Variants in FILIP1 observed in about 807,000 individuals in gnomAD.
FILIP1 encodes filamin A interacting protein 1.
FILIP1 carries 61 observed loss-of-function variants against 102.1 expected under a neutral mutation model. That is an observed-to-expected ratio of 0.60 (90% CI 0.49 to 0.74). The LOEUF is 0.74. Ranked by LOEUF, FILIP1 falls within the 30% of genes least tolerant of loss-of-function variation. The pLI, the probability that FILIP1 is intolerant of heterozygous loss-of-function variation, is 0.00. For synonymous variants in FILIP1, 491 were observed against 526.9 expected, an observed-to-expected ratio of 0.93 and a Z score of 0.93; for missense variants, 1,314 against 1,441.2, an observed-to-expected ratio of 0.91 and a Z score of 1.43.
Position 75,477,629 on chromosome 6 carries a change from G to T in FILIP1, c.-7+15785C>A, listed in dbSNP as rs1200202453. 5.3e-5 allele frequency among the ~76,000 whole-genome samples: 8 copies of T among 151,538 alleles called. No individual in the cohort carries two copies. The South Asian group carries it at 1.7e-3, about 32-fold the overall frequency. ...GAAAGAAAAAAATTCTGAATAAAAGGGAAATAAGATATAATAAAGAATAAG... is the reference window on the plus strand; with the variant it reads ...GAAAGAAAAAAATTCTGAATAAAAGTGAAATAAGATATAATAAAGAATAAG... On this transcript the variant is annotated intron_variant, in intron 1 of 5. Coordinates refer to ENST00000237172, the MANE Select transcript of FILIP1 (RefSeq NM_015687.5).
rs142480007 is a variant in FILIP1, at chr6:75,453,905, G to A, written c.-6-38927C>T. ...CAAATACACAATAAGTCATAACAAT[G>A]ATGGTGCCACTAATGAAGACAGAAA... On this transcript the variant is annotated intron_variant, in intron 1 of 5. Coordinates refer to ENST00000237172, the MANE Select transcript of FILIP1 (RefSeq NM_015687.5). 1,247 of 455,342 alleles carry A rather than the reference G, an allele frequency of 2.7e-3. 12 individuals carry two copies. Among genetic ancestry groups the A allele is most frequent in the African/African-American group, 0.023 (1,146 of 50,170 alleles). The allele number at this position is 455,342 out of a possible 1,614,324, so 28.2% of individuals were successfully genotyped here. A position where few individuals can be genotyped will look rare whatever the true frequency, so the allele number is the denominator to read the frequency against.
intron 1 of FILIP1, among the ~76,000 whole-genome samples, chr6:75,439,356 G>C (rs1778127833): frequency 8.0e-6 from 1 of 124,520 alleles, no homozygotes; most frequent in African/African-American, 3.5e-5. Context: ...ACAAGAGCGA[G>C]ACTCCGTCCA....
At chr6:75,450,782 C>T (rs1041354013) in intron 1 of FILIP1, among the ~76,000 whole-genome samples, 1 of 151,846 alleles carries the variant, frequency 6.6e-6, no homozygotes, top group African/African-American at 2.4e-5. Flanking sequence ...ATGGAGAAAC[C>T]ATGTCTCTAC....
intron 1 of FILIP1, among the ~76,000 whole-genome samples, chr6:75,442,992 A>G (rs1212058846): frequency 6.6e-6 from 1 of 152,240 alleles, no homozygotes. Context: ...AGATAGCTTT[A>G]TATTTATGGT....
Position 75,372,690 on chromosome 6 carries a change from AG to A in FILIP1, c.277-9774del, listed in dbSNP as rs1775587107. 2.9e-4 allele frequency among the ~76,000 whole-genome samples: 13 copies of A among 44,904 alleles called. No homozygotes were observed. In the East Asian group the frequency reaches 3.5e-3, roughly 12 times the overall value. The allele number at this position is 44,904 out of a possible 152,430, so 29.5% of individuals were successfully genotyped here. On this transcript the variant is annotated intron_variant, in intron 2 of 5. Transcript: ENST00000237172. ...GAAAGAAAGAAAGAAAGAAAGAGAA[AG>A]AAAGAGAAAGAAAGAAAGAAAGGAA...
At chr6:75,465,562 C>T (rs1014542308) in intron 1 of FILIP1, 1 of 507,490 alleles carries the variant, frequency 2.0e-6, no homozygotes, top group South Asian at 2.0e-5. Context: ...AGGACAGTTT[C>T]ACAGCAATTA....
chr6:75,331,683 T>C (rs1774089447), intron 4 of FILIP1, among the ~76,000 whole-genome samples: 1 of 152,084 alleles, frequency 6.6e-6, no homozygotes, highest in Admixed American at 6.5e-5. Context: ...ACTGGAAAGA[T>C]CTCCTTCCTT....
intron 4 of FILIP1, among the ~76,000 whole-genome samples, chr6:75,330,123 G>A (rs988087892): frequency 7.9e-5 from 12 of 152,014 alleles, no homozygotes; most frequent in African/African-American, 2.9e-4. Flanking sequence ...TCTTCATCGT[G>A]GATTTTTTGC....
At chr6:75,418,309 G>A (rs1026344544) in intron 1 of FILIP1, among the ~76,000 whole-genome samples, 4 of 152,124 alleles carry the variant, frequency 2.6e-5, no homozygotes, top group Non-Finnish European at 4.4e-5. Flanking sequence ...CACTCACATA[G>A]CAATTTAAAT....
chr6:75,398,290 G>T (rs1165420049), intron 2 of FILIP1, among the ~76,000 whole-genome samples: 1 of 152,156 alleles, frequency 6.6e-6, no homozygotes, highest in Non-Finnish European at 1.5e-5. Context: ...TTTGAAGCTG[G>T]TCTATGACGG....
chr6:75,342,689 C>G (rs1286651459), intron 4 of FILIP1, among the ~76,000 whole-genome samples: 1 of 152,186 alleles, frequency 6.6e-6, no homozygotes, highest in African/African-American at 2.4e-5. Context: ...CACAGGCATC[C>G]TCTGAGATGC....
intron 4 of FILIP1, among the ~76,000 whole-genome samples, chr6:75,326,483 C>A (rs947202866): frequency 3.3e-5 from 5 of 152,066 alleles, no homozygotes; most frequent in South Asian, 2.1e-4. Flanking sequence ...GAACAAAAAA[C>A]CACCTGTTCC....
chr6:75,437,548 TA>T (rs1197706400), intron 1 of FILIP1, among the ~76,000 whole-genome samples: 2 of 152,208 alleles, frequency 1.3e-5, no homozygotes, highest in Non-Finnish European at 2.9e-5. Context: ...GATGTGTTGA[TA>T]CAGTCGGGAA....
At chr6:75,390,149 T>C (rs967489740) in intron 2 of FILIP1, among the ~76,000 whole-genome samples, 1 of 152,172 alleles carries the variant, frequency 6.6e-6, no homozygotes, top group Non-Finnish European at 1.5e-5. Flanking sequence ...CCTGAGGACA[T>C]TACTTGCCCA....
intron 1 of FILIP1, among the ~76,000 whole-genome samples, chr6:75,425,520 G>T (rs1777599162): frequency 1.3e-5 from 2 of 152,038 alleles, no homozygotes; most frequent in Non-Finnish European, 2.9e-5. Flanking sequence ...CACACACCCA[G>T]CTCCACACTG....
chr6:75,451,570 C>T (rs1778632702), intron 1 of FILIP1, among the ~76,000 whole-genome samples: 2 of 152,242 alleles, frequency 1.3e-5, no homozygotes, highest in South Asian at 4.1e-4. Context: ...GTGGCTCCGG[C>T]CTGTTATCCC....
intron 2 of FILIP1, among the ~76,000 whole-genome samples, chr6:75,392,028 C>G (rs1201779823): frequency 6.6e-6 from 1 of 152,278 alleles, no homozygotes; most frequent in Admixed American, 6.5e-5. Context: ...TCAGCAGCAT[C>G]TGACACTTTG....
intron 4 of FILIP1, chr6:75,319,321 C>A: frequency 9.2e-6 from 6 of 651,638 alleles, no homozygotes. Context: ...GGATGTTCTT[C>A]TTTGATTTTT....
chr6:75,442,535 C>G (rs907160411), intron 1 of FILIP1, among the ~76,000 whole-genome samples: 18 of 152,032 alleles, frequency 1.2e-4, no homozygotes, highest in African/African-American at 3.1e-4. Context: ...GCGGATCCCT[C>G]GCGGTTAGGA....
Sources: gnomAD v4.1 joint callset for allele counts (sites outside exome capture counted in the v4.1 genomes callset) on GRCh38, gnomAD v4.1.1 for gene constraint, MANE v1.5 for transcripts, NCBI Gene and HGNC (gene_info 2026-07-23, HGNC 2026-07-21) for gene names.